The following MYO1D variants were observed in gnomAD, a reference collection of about 807,000 sequenced individuals.
MYO1D encodes unconventional myosin-Id.
A neutral mutation model predicts 122.0 loss-of-function variants in MYO1D; 83 were observed. The observed-to-expected ratio is 0.68, with a 90% CI of 0.57 to 0.82. The LOEUF is 0.82. Among genes scored for constraint, MYO1D ranks in the 40% least tolerant of loss-of-function variants. The pLI is 0.00. For synonymous variants in MYO1D, 464 were observed against 446.9 expected (o/e 1.04, Z -0.48); for missense variants, 1,157 against 1,269.5 (o/e 0.91, Z 1.35).
intron 16 of MYO1D, among the ~76,000 whole-genome samples, chr17:32,694,470 G>A (rs939387187): frequency 6.6e-6 from 1 of 152,192 alleles, no homozygotes; most frequent in Non-Finnish European, 1.5e-5. Flanking sequence ...GGGAGGTCGA[G>A]GCGGGTGGAT....
chr17:32,835,430 T>C (rs897510567), intron 1 of MYO1D, among the ~76,000 whole-genome samples: 4 of 152,194 alleles, frequency 2.6e-5, no homozygotes, highest in Non-Finnish European at 5.9e-5. Context: ...GACCATGACT[T>C]AGTTATTTTC....
intron 1 of MYO1D, among the ~76,000 whole-genome samples, chr17:32,826,875 T>A (rs1409667559): frequency 6.6e-6 from 1 of 152,186 alleles, no homozygotes; most frequent in Non-Finnish European, 1.5e-5. Flanking sequence ...TTTAAACTTT[T>A]AAAAAATGCT....
At position 32,605,140 on chromosome 17, in the gene MYO1D, G is replaced by A; in HGVS notation, c.2811C>T (p.Thr937=). 6.2e-7 allele frequency: 1 copy of A among 1,610,258 alleles called. No individual in the cohort carries two copies. The highest frequency in any genetic ancestry group is 8.5e-7 in the Non-Finnish European group (1 of 1,177,200). Residue 937 remains threonine (T), a synonymous_variant, in exon 21 of 22, where the codon ACC becomes ACT. Transcript: ENST00000318217. ...CAAGTTCTCCAATTCGACTCTCATG[G>A]GTTGGCTGTTTGCTGAAGAGGCAGA... ...LIVCLFSKQP[T]HESRIGELVG...
At chr17:32,704,819 T>C (rs1048736306) in intron 16 of MYO1D, among the ~76,000 whole-genome samples, 1 of 152,094 alleles carries the variant, frequency 6.6e-6, no homozygotes, top group Non-Finnish European at 1.5e-5. Context: ...ATTACAAATA[T>C]GCAATAAATG....
chr17:32,855,604 C>T (rs1434364722), intron 1 of MYO1D, among the ~76,000 whole-genome samples: 2 of 152,108 alleles, frequency 1.3e-5, no homozygotes, highest in African/African-American at 4.8e-5. Context: ...TCTTAGGTTT[C>T]GACTCCTACT....
intron 14 of MYO1D, among the ~76,000 whole-genome samples, chr17:32,732,266 C>T (rs887038594): frequency 5.9e-5 from 9 of 152,174 alleles, no homozygotes; most frequent in Admixed American, 2.0e-4. Context: ...AGGGGTGGGT[C>T]GCTGGTGAAA....
chr17:32,686,340 C>T (rs1351785733), intron 16 of MYO1D: 1 of 152,214 alleles, frequency 6.6e-6, no homozygotes. Context: ...CTACCAGAAG[C>T]TGGGAGAAGC....
intron 16 of MYO1D, among the ~76,000 whole-genome samples, chr17:32,679,315 T>C (rs915294751): frequency 6.6e-5 from 10 of 151,954 alleles, no homozygotes; most frequent in Non-Finnish European, 1.3e-4. Flanking sequence ...TTTGGTGTTT[T>C]GTACATGAAG....
At chr17:32,584,497 A>C (rs925200273) in intron 21 of MYO1D, among the ~76,000 whole-genome samples, 1 of 150,746 alleles carries the variant, frequency 6.6e-6, no homozygotes, top group African/African-American at 2.5e-5. Flanking sequence ...ATAGATCTTC[A>C]GAACTTTTTT....
In MYO1D at chr17:32,560,765, G is replaced by A. The variant is rs191506192; in HGVS notation, c.2864+44322C>T. Among the ~76,000 whole-genome samples the A allele has an allele frequency of 3.3e-3, 494 of 149,840 alleles. 8 individuals are homozygous for A. Among genetic ancestry groups the A allele is most frequent in the Non-Finnish European group, 8.8e-4 (59 of 67,394 alleles). ...CTACTGAGTAGCTGGGATTACAGGC[G>A]TGTGCCGTCATTCCTAGTTAATTTT... is the stretch of plus-strand genomic sequence containing the variant. On this transcript the variant is annotated intron_variant, in intron 21 of 21. Coordinates refer to ENST00000318217, the MANE Select transcript of MYO1D (RefSeq NM_015194.3).
At chr17:32,854,330 C>CT (rs1037066475) in intron 1 of MYO1D, among the ~76,000 whole-genome samples, 4 of 152,162 alleles carry the variant, frequency 2.6e-5, no homozygotes, top group Admixed American at 6.5e-5. Flanking sequence ...TTATGAAACT[C>CT]TGAAAAACAG....
intron 16 of MYO1D, among the ~76,000 whole-genome samples, chr17:32,689,216 CTTTG>C (rs139434209): frequency 0.015 from 2,226 of 152,188 alleles, 45 homozygotes; most frequent in African/African-American, 0.048. Context: ...GAATACAGTA[CTTTG>C]TTTGTAAACC....
At chr17:32,608,499 G>A (rs1285379590) in intron 20 of MYO1D, among the ~76,000 whole-genome samples, 1 of 152,166 alleles carries the variant, frequency 6.6e-6, no homozygotes, top group Non-Finnish European at 1.5e-5. Context: ...AATACTAAAT[G>A]CTGGTGAGGA....
intron 21 of MYO1D, among the ~76,000 whole-genome samples, chr17:32,540,605 A>G (rs752146919): frequency 7.2e-5 from 11 of 152,128 alleles, no homozygotes; most frequent in Non-Finnish European, 1.6e-4. Context: ...ATACCTTTTC[A>G]TATCGATTAG....
rs1310839834 is a variant in MYO1D, at chr17:32,777,816, C to A, written c.398+664G>T. Among the ~76,000 whole-genome samples the A allele has an allele frequency of 2.0e-5, 3 of 152,162 alleles. No homozygotes were observed. The East Asian group carries it at 5.8e-4, about 29-fold the overall frequency. ...GGGCGCAGTGGCCGGTGCCTGTAGTCCCAGCTACTCGGGAAGCTGAGGCAG... is the reference window on the plus strand; with the variant it reads ...GGGCGCAGTGGCCGGTGCCTGTAGTACCAGCTACTCGGGAAGCTGAGGCAG... On this transcript the variant is annotated intron_variant, in intron 3 of 21. Coordinates refer to ENST00000318217, the MANE Select transcript of MYO1D (RefSeq NM_015194.3).
Position 32,745,220 on chromosome 17 carries a change from A to G in MYO1D, c.1604T>C (p.Met535Thr). Reference protein sequence around the residue: ...DTLFQDFKRLMYNSSNPVLKN... With the variant: ...DTLFQDFKRLTYNSSNPVLKN... Reference sequence around the variant, plus strand: ...AAAATTTCAATCTTACCTGTTATACATAAGGCGCTTGAAATCTTGAAATAA... The same window carrying G: ...AAAATTTCAATCTTACCTGTTATACGTAAGGCGCTTGAAATCTTGAAATAA... Residue 535 changes from methionine (M) to threonine (T), a missense_variant, in exon 13 of 22, where the codon ATG becomes ACG. Met to Thr is a moderately conservative substitution (Grantham distance 81). Transcript: ENST00000318217. 1.3e-6 allele frequency: 2 copies of G among 1,509,590 alleles called. No individual in the cohort carries two copies. The highest frequency in any genetic ancestry group is 2.3e-5 in the South Asian group (2 of 87,054). 93.5% of individuals were successfully genotyped at this position (1,509,590 alleles called of 1,614,324 possible).
At chr17:32,539,300 C>G (rs1910764636) in intron 21 of MYO1D, among the ~76,000 whole-genome samples, 1 of 151,494 alleles carries the variant, frequency 6.6e-6, no homozygotes, top group Non-Finnish European at 1.5e-5. Context: ...CACACACACA[C>G]ACACACACAC....
intron 2 of MYO1D, among the ~76,000 whole-genome samples, chr17:32,779,806 GA>G (rs746898383): frequency 5.3e-5 from 8 of 151,970 alleles, no homozygotes; most frequent in Admixed American, 1.3e-4. Flanking sequence ...CTATAAAGTA[GA>G]AAAATAACTG....
At chr17:32,770,892 G>A (rs1411054514) in intron 6 of MYO1D, among the ~76,000 whole-genome samples, 1 of 152,132 alleles carries the variant, frequency 6.6e-6, no homozygotes, top group African/African-American at 2.4e-5. Context: ...TTGAATGTAG[G>A]AAAAAACTTC....
Sources: gnomAD v4.1 joint callset for allele counts (sites outside exome capture counted in the v4.1 genomes callset) on GRCh38, gnomAD v4.1.1 for gene constraint, MANE v1.5 for transcripts, NCBI Gene and HGNC (gene_info 2026-07-23, HGNC 2026-07-21) for gene names.